Variants in MICU1 observed in about 807,000 individuals in gnomAD.
MICU1 encodes the protein calcium uptake protein 1, mitochondrial.
Under a neutral mutation model 56.8 loss-of-function variants are expected in MICU1, and 45 were observed. That is an observed-to-expected ratio of 0.79 (90% CI 0.62 to 1.02). The LOEUF (loss-of-function observed/expected upper bound fraction) is 1.02, where lower values mean the gene tolerates loss of function less well. MICU1 is among the 50% of genes least tolerant of loss of function. The probability of loss-of-function intolerance (pLI) is 0.00; values close to 1 mark genes in which losing one functional copy is unlikely to be tolerated. For synonymous variants in MICU1, 186 were observed against 195.1 expected (o/e 0.95, Z 0.39); for missense variants, 504 against 587.1 (o/e 0.86, Z 1.46).
chr10:72,381,961 T>C (rs1208610647), intron 10 of MICU1, among the ~76,000 whole-genome samples: 4 of 72,648 alleles, frequency 5.5e-5, no homozygotes, highest in Non-Finnish European at 1.3e-4. Flanking sequence ...TATATATATC[T>C]ATACACACAC....
chr10:72,489,260 C>T (rs565906927), intron 6 of MICU1, among the ~76,000 whole-genome samples: 6 of 151,076 alleles, frequency 4.0e-5, no homozygotes, highest in Non-Finnish European at 8.8e-5. Context: ...CACTGCACCA[C>T]TCTAGCCTGG....
intron 6 of MICU1, among the ~76,000 whole-genome samples, chr10:72,480,142 G>A (rs1275795455): frequency 1.3e-5 from 2 of 152,192 alleles, no homozygotes; most frequent in Non-Finnish European, 2.9e-5. Flanking sequence ...TGCAGTGATG[G>A]CAGTGGTAAT....
chr10:72,442,995 G>A (rs1864988439), intron 8 of MICU1, among the ~76,000 whole-genome samples: 1 of 152,164 alleles, frequency 6.6e-6, no homozygotes, highest in East Asian at 1.9e-4. Flanking sequence ...GACCTCAGGT[G>A]ATCTGCCTGC....
At position 72,448,283 on chromosome 10, in the gene MICU1, C is replaced by T. The variant is rs1423847423; in HGVS notation, c.934-24912G>A. Among the ~76,000 whole-genome samples the T allele has an allele frequency of 2.2e-5, 3 of 134,646 alleles. 1 individual carries two copies. In the East Asian group the frequency reaches 7.0e-4, roughly 32 times the overall value. The allele number at this position is 134,646 out of a possible 152,430, so 88.3% of individuals were successfully genotyped here. On this transcript the variant is annotated intron_variant, in intron 8 of 11. Coordinates refer to ENST00000361114, the MANE Select transcript of MICU1 (RefSeq NM_001195518.2). ...TCCGCCTCCTGGTTCAAGTGATTCTCCTGACTCAGCCTCCTGAGTAGCTGG... is the reference window on the plus strand; with the variant it reads ...TCCGCCTCCTGGTTCAAGTGATTCTTCTGACTCAGCCTCCTGAGTAGCTGG...
chr10:72,579,202 A>C (rs1012632897), intron 1 of MICU1, among the ~76,000 whole-genome samples: 3 of 152,152 alleles, frequency 2.0e-5, no homozygotes, highest in Non-Finnish European at 4.4e-5. Context: ...CTGCTGTGAC[A>C]ATACACCTTA....
intron 8 of MICU1, among the ~76,000 whole-genome samples, chr10:72,461,480 T>C (rs538095594): frequency 1.5e-4 from 23 of 152,360 alleles, no homozygotes; most frequent in African/African-American, 5.0e-4. Flanking sequence ...TATGTTCTCA[T>C]TGTACCATAT....
At chr10:72,607,851 G>GT (rs1441618248) in intron 1 of MICU1, among the ~76,000 whole-genome samples, 4 of 151,892 alleles carry the variant, frequency 2.6e-5, no homozygotes, top group Admixed American at 2.0e-4. Flanking sequence ...CCATTAACCT[G>GT]TGGGGGGGGT....
chr10:72,598,743 C>T (rs1440134054), intron 1 of MICU1, among the ~76,000 whole-genome samples: 1 of 151,670 alleles, frequency 6.6e-6, no homozygotes, highest in East Asian at 1.9e-4. Context: ...AAGAATAACC[C>T]CAAAAAATGA....
At chr10:72,536,029 T>C (rs1232099506) in intron 4 of MICU1, among the ~76,000 whole-genome samples, 1 of 151,816 alleles carries the variant, frequency 6.6e-6, no homozygotes, top group Non-Finnish European at 1.5e-5. Context: ...AAGTAGAAAG[T>C]AGAACAGGGT....
At chr10:72,379,640 A>G in intron 10 of MICU1, 1 of 386,766 alleles carries the variant, frequency 2.6e-6, no homozygotes, top group Non-Finnish European at 5.2e-6. Context: ...AGCTCTTGAC[A>G]ATTTCTAATG....
chr10:72,486,789 T>A (rs1003711002), intron 6 of MICU1, among the ~76,000 whole-genome samples: 1 of 152,108 alleles, frequency 6.6e-6, no homozygotes, highest in Non-Finnish European at 1.5e-5. Context: ...CATATACACA[T>A]ACACACGTGC....
chr10:72,380,646 T>C (rs1354041989), intron 10 of MICU1, among the ~76,000 whole-genome samples: 3 of 152,210 alleles, frequency 2.0e-5, no homozygotes, highest in Non-Finnish European at 4.4e-5. Flanking sequence ...AACTGGAAGA[T>C]ACCTCAGAGG....
Position 72,512,100 on chromosome 10 carries a change from G to GTTTTTTT in MICU1, c.538-3832_538-3831insAAAAAAA, listed in dbSNP as rs1199987987. Among the ~76,000 whole-genome samples, 122 of 82,342 alleles carry GTTTTTTT rather than the reference G, an allele frequency of 1.5e-3. 25 individuals carry two copies. The highest frequency in any genetic ancestry group is 6.3e-3 in the African/African-American group (108 of 17,248). The allele number at this position is 82,342 out of a possible 152,430, so 54.0% of individuals were successfully genotyped here. The stretch of plus-strand genomic sequence containing the variant: ...ATCAATCTGGCATCCATACACAGTT[G>GTTTTTTT]TTTTTTGTTTTTTTTTTTTTTTTTT... On this transcript the variant is annotated intron_variant, in intron 5 of 11. Transcript: ENST00000361114.
chr10:72,447,403 TTA>T (rs1449864566), intron 8 of MICU1, among the ~76,000 whole-genome samples: 7 of 152,300 alleles, frequency 4.6e-5, no homozygotes, highest in African/African-American at 1.7e-4. Context: ...CAGATATATA[TTA>T]TTGGCATGAT....
At chr10:72,577,687 C>T (rs879771429) in intron 1 of MICU1, among the ~76,000 whole-genome samples, 22 of 151,864 alleles carry the variant, frequency 1.4e-4, no homozygotes, top group African/African-American at 5.1e-4. Flanking sequence ...GTCCTGCTAG[C>T]GTCAAAAAAA....
intron 6 of MICU1, among the ~76,000 whole-genome samples, chr10:72,492,345 A>C (rs1441832597): frequency 6.6e-6 from 1 of 152,216 alleles, no homozygotes; most frequent in Non-Finnish European, 1.5e-5. Flanking sequence ...GAGAGATATG[A>C]GAATGTCTTA....
chr10:72,611,453 A>C (rs1419055338), intron 1 of MICU1, among the ~76,000 whole-genome samples: 4 of 151,818 alleles, frequency 2.6e-5, no homozygotes, highest in Non-Finnish European at 2.9e-5. Context: ...CTCTACTAAA[A>C]ATACAAAAAT....
At chr10:72,454,015 T>C (rs975212234) in intron 8 of MICU1, among the ~76,000 whole-genome samples, 4 of 151,798 alleles carry the variant, frequency 2.6e-5, no homozygotes, top group South Asian at 2.1e-4. Flanking sequence ...TTTGTATTTT[T>C]TGTAGAGATG....
intron 1 of MICU1, among the ~76,000 whole-genome samples, chr10:72,604,506 C>A (rs1438180944): frequency 1.3e-5 from 2 of 151,996 alleles, no homozygotes; most frequent in African/African-American, 4.8e-5. Flanking sequence ...CTCCCGACCT[C>A]AGGCAATCCG....
Sources: gnomAD v4.1 joint callset for allele counts (sites outside exome capture counted in the v4.1 genomes callset) on GRCh38, gnomAD v4.1.1 for gene constraint, MANE v1.5 for transcripts, NCBI Gene and HGNC (gene_info 2026-07-23, HGNC 2026-07-21) for gene names.